CCDC32: variants seen among roughly 807,000 people sequenced by gnomAD.
CCDC32 encodes coiled-coil domain containing 32, also known as coiled-coil domain-containing protein 32.
Under a neutral mutation model 20.1 loss-of-function variants are expected in CCDC32, and 9 were observed. The observed-to-expected ratio is 0.45, with a 90% CI of 0.27 to 0.78. CCDC32 has a LOEUF of 0.78. CCDC32 is among the 30% of genes least tolerant of loss of function. The pLI, the probability that CCDC32 is intolerant of heterozygous loss-of-function variation, is 0.16. For synonymous variants in CCDC32, 63 were observed against 79.0 expected (o/e 0.80, Z 1.07); for missense variants, 204 against 215.5 (o/e 0.95, Z 0.33).
chr15:40,553,903 GGCGTGTGTGTGTGTGT>G lies in CCDC32; in HGVS notation c.*52_*67del, dbSNP rs1566982958. The G allele has an allele frequency of 2.2e-6, 3 of 1,356,994 alleles. No homozygotes were observed. Among genetic ancestry groups the G allele is most frequent in the Non-Finnish European group, 9.7e-7 (1 of 1,028,732 alleles). The allele number at this position is 1,356,994 out of a possible 1,614,324, so 84.1% of individuals were successfully genotyped here. ...CGCTCTGGACCCGAGACAGCTGCTC[GGCGTGTGTGTGTGTGT>G]GTGTGTGTGTGTGTGTGTGTGTGTG... On this transcript the variant is annotated 3_prime_UTR_variant, in exon 4 of 4. Transcript: ENST00000416810.
chr15:40,559,888 A>G (rs1890503176), intron 2 of CCDC32, among the ~76,000 whole-genome samples: 1 of 152,236 alleles, frequency 6.6e-6, no homozygotes, highest in Non-Finnish European at 1.5e-5. Context: ...AGCCACCTGT[A>G]GAAGAATAAA....
At chr15:40,559,128 C>A (rs937937090) in intron 2 of CCDC32, among the ~76,000 whole-genome samples, 1 of 152,112 alleles carries the variant, frequency 6.6e-6, no homozygotes, top group Non-Finnish European at 1.5e-5. Flanking sequence ...GCTCTGTCAC[C>A]CAGGCTGGAG....
At chr15:40,557,615 T>C (rs938137126) in intron 2 of CCDC32, 4 of 374,710 alleles carry the variant, frequency 1.1e-5, no homozygotes, top group Non-Finnish European at 1.9e-5. Flanking sequence ...GGAAAAGCCA[T>C]AGGTTCTCAT....
intron 3 of CCDC32, among the ~76,000 whole-genome samples, chr15:40,554,618 G>A (rs932570321): frequency 6.6e-6 from 1 of 151,574 alleles, no homozygotes. Context: ...TTTTTTGTGT[G>A]GGGTTTTTGT....
At chr15:40,539,437 G>T in intron 3 of CCDC32, 1 of 1,235,136 alleles carries the variant, frequency 8.1e-7, no homozygotes, top group South Asian at 1.3e-5. Context: ...GTCAAAGAGA[G>T]ACAGGCATAC....
chr15:40,563,078 T>C, intron 1 of CCDC32, 51 bp from the exon 2 acceptor site: 2 of 1,579,600 alleles, frequency 1.3e-6, no homozygotes, highest in Non-Finnish European at 1.7e-6. Context: ...GAATACAGCA[T>C]AAGGTTGAGC....
chr15:40,549,616 C>T (rs1277916337), downstream of CCDC32, among the ~76,000 whole-genome samples: 1 of 152,156 alleles, frequency 6.6e-6, no homozygotes, highest in Non-Finnish European at 1.5e-5. Flanking sequence ...GGGAAGATGC[C>T]GTTCTGCTTT....
chr15:40,554,203 C>A (rs917467727), intron 3 of CCDC32, 76 bp from the exon 4 acceptor site: 39 of 1,527,034 alleles, frequency 2.6e-5, no homozygotes, highest in Non-Finnish European at 3.2e-5. Flanking sequence ...CTCAGTTACT[C>A]AAACACTACC....
chr15:40,553,210 T>C lies in CCDC32; in HGVS notation c.*761A>G. The stretch of plus-strand genomic sequence containing the variant: ...CTGCCACAAGGAAGATGTTTGGAAC[T>C]ATCCAGGAGTAGTGTCAAACACTAA... On this transcript the variant is annotated 3_prime_UTR_variant, in exon 4 of 4. Coordinates refer to ENST00000416810, the MANE Select transcript of CCDC32 (RefSeq NM_001080792.4). 1 of 985,478 alleles carries C rather than the reference T, an allele frequency of 1.0e-6. No individual in the cohort carries two copies. The allele number at this position is 985,478 out of a possible 1,614,324, so 61.0% of individuals were successfully genotyped here.
chr15:40,526,445 G>C (rs748119761), downstream of CCDC32, among the ~76,000 whole-genome samples: 1 of 152,098 alleles, frequency 6.6e-6, no homozygotes, highest in African/African-American at 2.4e-5. Context: ...TCACATGGTA[G>C]TCCATAGCAA....
chr15:40,552,164 AAAC>A (rs1261459096), downstream of CCDC32, among the ~76,000 whole-genome samples: 1 of 151,812 alleles, frequency 6.6e-6, no homozygotes, highest in Non-Finnish European at 1.5e-5. Context: ...TGTCTCAAAA[AAAC>A]AAAAAAAAAA....
intron 3 of CCDC32, among the ~76,000 whole-genome samples, chr15:40,544,154 A>C (rs758969309): frequency 1.3e-5 from 2 of 152,130 alleles, no homozygotes; most frequent in Non-Finnish European, 1.5e-5. Context: ...CCCTTGTCAT[A>C]GTCAGTGCTC....
downstream of CCDC32, among the ~76,000 whole-genome samples, chr15:40,548,766 G>A (rs139156632): frequency 1.3e-5 from 2 of 152,254 alleles, no homozygotes; most frequent in African/African-American, 4.8e-5. Flanking sequence ...CCCAGGTGGA[G>A]TGCTTTCATG....
chr15:40,521,638 C>G, the CCDC32 span, among the ~76,000 whole-genome samples: 1 of 152,184 alleles, frequency 6.6e-6, no homozygotes, highest in Admixed American at 6.5e-5. Flanking sequence ...TCTACATCCT[C>G]GCAGACTCTT....
chr15:40,536,095 G>A (rs1327923771), downstream of CCDC32: 1 of 152,212 alleles, frequency 6.6e-6, no homozygotes, highest in Non-Finnish European at 1.5e-5. Flanking sequence ...TCTTTTGCTG[G>A]AGTCCCCCAA....
downstream of CCDC32, among the ~76,000 whole-genome samples, chr15:40,524,146 CTTTTTTTTTTTTTTT>C (rs66753325): frequency 3.4e-5 from 3 of 89,140 alleles, no homozygotes; most frequent in African/African-American, 9.1e-5. Context: ...CATGCATAAT[CTTTTTTTTTTTTTTT>C]TTTTTTTTTT....
In CCDC32 at chr15:40,554,104, C is replaced by A; in HGVS notation, c.425G>T (p.Trp142Leu). ...GACGGCTACTTTATCTGGCTGGAGC[C>A]ACCTCTTGAAATGTTCCAAGGTGCT... ...DESTLEHFKR[W>L]LQPDKVAVST... The change falls in exon 4 of 4, where the codon TGG (tryptophan) becomes TTG (leucine). Residue 142 changes from tryptophan (W) to leucine (L), a missense_variant. Trp to Leu is a moderately conservative substitution (Grantham distance 61, BLOSUM62 -2). Coordinates refer to ENST00000416810, the MANE Select transcript of CCDC32 (RefSeq NM_001080792.4). 1.2e-6 allele frequency: 2 copies of A among 1,613,936 alleles called. No individual in the cohort carries two copies. Among genetic ancestry groups the A allele is most frequent in the Non-Finnish European group, 1.7e-6 (2 of 1,179,922 alleles).
At chr15:40,523,261 T>C in the CCDC32 span, among the ~76,000 whole-genome samples, 2 of 151,786 alleles carry the variant, frequency 1.3e-5, no homozygotes, top group African/African-American at 4.8e-5. Flanking sequence ...TCCCAGCACT[T>C]TGGGAGGCTG....
At chr15:40,563,814 CTTTCTTTCTTTCTTTTTTTTTT>C (rs1412120132) in intron 1 of CCDC32, among the ~76,000 whole-genome samples, 1 of 123,468 alleles carries the variant, frequency 8.1e-6, no homozygotes, top group East Asian at 2.0e-4. Context: ...GTTTTTTTTT[CTTTCTTTCTTTCTTTTTTTTTT>C]TTGAGACAGA....
Sources: allele counts gnomAD v4.1 joint callset (sites outside exome capture counted in the v4.1 genomes callset), GRCh38; gene constraint gnomAD v4.1.1; transcripts MANE v1.5; gene names NCBI Gene and HGNC (gene_info 2026-07-23, HGNC 2026-07-21).